The following GRIA1 variants were observed in gnomAD, a reference collection of about 807,000 sequenced individuals.
The protein encoded by GRIA1 is glutamate receptor 1.
In GRIA1, 31 loss-of-function variants were observed where a neutral mutation model predicts 99.2. That is an observed-to-expected ratio of 0.31 (90% CI 0.23 to 0.42). The LOEUF (loss-of-function observed/expected upper bound fraction) is 0.42, where lower values mean the gene tolerates loss of function less well. Among genes scored for constraint, GRIA1 ranks in the 10% least tolerant of loss-of-function variants. The probability of loss-of-function intolerance (pLI) is 1.00; values close to 1 mark genes in which losing one functional copy is unlikely to be tolerated. For missense variants in GRIA1, 782 were observed against 1,157.5 expected, an observed-to-expected ratio of 0.68 and a Z score of 4.71; for synonymous variants, 438 against 432.4, an observed-to-expected ratio of 1.01 and a Z score of -0.16.
At chr5:153,590,885 C>A (rs916107737) in intron 2 of GRIA1, among the ~76,000 whole-genome samples, 1 of 151,764 alleles carries the variant, frequency 6.6e-6, no homozygotes, top group African/African-American at 2.4e-5. Context: ...TTTTTCTTAC[C>A]CTTTTAAAGT....
intron 2 of GRIA1, among the ~76,000 whole-genome samples, chr5:153,561,716 T>C (rs965887256): frequency 2.0e-5 from 3 of 152,184 alleles, no homozygotes; most frequent in Non-Finnish European, 2.9e-5. Context: ...AGTCTCAGTA[T>C]AGGAGAATTG....
At chr5:153,579,650 C>T (rs1762873077) in intron 2 of GRIA1, among the ~76,000 whole-genome samples, 1 of 152,192 alleles carries the variant, frequency 6.6e-6, no homozygotes, top group South Asian at 2.1e-4. Flanking sequence ...TGCTACTTTT[C>T]TCAAAGCATG....
At chr5:153,783,049 G>A (rs578105886) in intron 13 of GRIA1, among the ~76,000 whole-genome samples, 45 of 152,306 alleles carry the variant, frequency 3.0e-4, no homozygotes, top group Admixed American at 1.1e-3. Context: ...TGCAGGAGCA[G>A]AGTTTTCTTC....
At chr5:153,626,660 G>C (rs993453851) in intron 2 of GRIA1, among the ~76,000 whole-genome samples, 2 of 152,178 alleles carry the variant, frequency 1.3e-5, no homozygotes, top group Non-Finnish European at 2.9e-5. Context: ...GACAGTTAGA[G>C]TGGAGTGGAA....
chr5:153,722,972 A>G (rs187568963), intron 11 of GRIA1, among the ~76,000 whole-genome samples: 264 of 152,350 alleles, frequency 1.7e-3, no homozygotes, highest in Admixed American at 5.6e-3. Flanking sequence ...GCTCAGGATC[A>G]GGATAATTGT....
intron 2 of GRIA1, among the ~76,000 whole-genome samples, chr5:153,619,402 T>A (rs1289540621): frequency 6.6e-6 from 1 of 152,188 alleles, no homozygotes; most frequent in Non-Finnish European, 1.5e-5. Flanking sequence ...TTAGAAAGAC[T>A]AGGTTAGGGC....
chr5:153,715,011 G>C (rs1759570548), intron 11 of GRIA1, among the ~76,000 whole-genome samples: 1 of 152,174 alleles, frequency 6.6e-6, no homozygotes, highest in African/African-American at 2.4e-5. Context: ...CCCACCCAAA[G>C]GCAGAAGTAG....
chr5:153,523,535 G>C (rs1277820326), intron 2 of GRIA1, among the ~76,000 whole-genome samples: 2 of 150,222 alleles, frequency 1.3e-5, no homozygotes, highest in African/African-American at 2.5e-5. Context: ...TTATGCTTAT[G>C]TTGTTACTGT....
At chr5:153,606,088 A>G (rs914579311) in intron 2 of GRIA1, among the ~76,000 whole-genome samples, 1 of 152,164 alleles carries the variant, frequency 6.6e-6, no homozygotes, top group African/African-American at 2.4e-5. Context: ...ACTTAAATTA[A>G]TGATCCATCT....
intron 2 of GRIA1, among the ~76,000 whole-genome samples, chr5:153,617,683 A>G (rs897351256): frequency 7.2e-5 from 11 of 152,150 alleles, no homozygotes; most frequent in African/African-American, 2.7e-4. Context: ...GAACAAACCA[A>G]CTGAAGCATA....
At chr5:153,720,468 G>A (rs1759977698) in intron 11 of GRIA1, among the ~76,000 whole-genome samples, 1 of 152,190 alleles carries the variant, frequency 6.6e-6, no homozygotes, top group Non-Finnish European at 1.5e-5. Context: ...GTCTTTTTGA[G>A]ACTATGTAAA....
At chr5:153,657,335 T>C (rs898430289) in intron 5 of GRIA1, among the ~76,000 whole-genome samples, 2 of 152,266 alleles carry the variant, frequency 1.3e-5, no homozygotes, top group Non-Finnish European at 2.9e-5. Context: ...ACAGTTTGAA[T>C]GATGGCAAGT....
intron 7 of GRIA1, 130 bp from the exon 8 acceptor site, chr5:153,686,095 G>A (rs1172532043): frequency 2.8e-6 from 2 of 704,048 alleles, no homozygotes; most frequent in Non-Finnish European, 5.1e-6. Context: ...AAGAGTTTTA[G>A]CATTCAGGAT....
At chr5:153,790,587 G>T (rs1178121229) in intron 13 of GRIA1, among the ~76,000 whole-genome samples, 1 of 152,124 alleles carries the variant, frequency 6.6e-6, no homozygotes, top group East Asian at 1.9e-4. Context: ...GAGGTAAAAT[G>T]AGGAAAATAA....
intron 2 of GRIA1, among the ~76,000 whole-genome samples, chr5:153,532,051 T>C (rs1758141653): frequency 6.6e-6 from 1 of 152,174 alleles, no homozygotes; most frequent in African/African-American, 2.4e-5. Flanking sequence ...TTTATTTCTA[T>C]CCAGAGCTTT....
intron 11 of GRIA1, among the ~76,000 whole-genome samples, chr5:153,757,735 G>C (rs1762924618): frequency 6.6e-6 from 1 of 152,130 alleles, no homozygotes; most frequent in African/African-American, 2.4e-5. Context: ...GAGACATAAA[G>C]ACTTTCCTGG....
At chr5:153,674,900 A>G (rs1184145841) in intron 6 of GRIA1, among the ~76,000 whole-genome samples, 1 of 152,198 alleles carries the variant, frequency 6.6e-6, no homozygotes, top group African/African-American at 2.4e-5. Flanking sequence ...AGGAGTCAGC[A>G]GTCCCAGACT....
chr5:153,740,427 C>T (rs900795068), intron 11 of GRIA1, among the ~76,000 whole-genome samples: 4 of 152,186 alleles, frequency 2.6e-5, no homozygotes, highest in Non-Finnish European at 4.4e-5. Flanking sequence ...AGCACAGTGT[C>T]AGGCACATAG....
intron 8 of GRIA1, among the ~76,000 whole-genome samples, chr5:153,689,451 T>A (rs4318826): frequency 1 from 152,191 of 152,364 alleles, 76,011 homozygotes; most frequent in Middle Eastern, 1. Context: ...TGTTTGCCAT[T>A]ATTAAAATAT....
Sources: allele counts gnomAD v4.1 joint callset (sites outside exome capture counted in the v4.1 genomes callset), GRCh38; gene constraint gnomAD v4.1.1; transcripts MANE v1.5; gene names NCBI Gene and HGNC (gene_info 2026-07-23, HGNC 2026-07-21).